The following HSPA12A variants were observed in gnomAD, a reference collection of about 807,000 sequenced individuals.
HSPA12A encodes the protein heat shock 70 kDa protein 12A.
A neutral mutation model predicts 69.2 loss-of-function variants in HSPA12A; 28 were observed. The ratio of observed to expected loss-of-function variants is 0.40; its 90% CI spans 0.30 to 0.55. The LOEUF (loss-of-function observed/expected upper bound fraction) is 0.55. Among genes scored for constraint, HSPA12A ranks in the 20% least tolerant of loss-of-function variants. HSPA12A has a pLI of 0.38. For synonymous variants in HSPA12A, 345 were observed against 370.5 expected (o/e 0.93, Z 0.79); for missense variants, 686 against 900.7 (o/e 0.76, Z 3.05).
chr10:116,753,040 A>C (rs1313230851), intron 2 of HSPA12A, among the ~76,000 whole-genome samples: 1 of 152,244 alleles, frequency 6.6e-6, no homozygotes, highest in Non-Finnish European at 1.5e-5. Context: ...TAAATGACAC[A>C]AAAAATAAAA....
chr10:116,696,014 A>AAAAAAAAAAAAAAAAAAAG (rs1849890713), intron 5 of HSPA12A, among the ~76,000 whole-genome samples: 1 of 147,200 alleles, frequency 6.8e-6, no homozygotes, highest in African/African-American at 2.5e-5. Flanking sequence ...AAAAAAAAAA[A>AAAAAAAAAAAAAAAAAAAG]AAAAAAAAAG....
intron 5 of HSPA12A, among the ~76,000 whole-genome samples, chr10:116,697,411 G>A (rs1290057333): frequency 1.3e-5 from 2 of 149,558 alleles, no homozygotes; most frequent in Non-Finnish European, 3.0e-5. Flanking sequence ...ACCCAAGGGG[G>A]CTCACGCTAT....
At chr10:116,778,337 C>A (rs1167430479) in intron 2 of HSPA12A, among the ~76,000 whole-genome samples, 1 of 152,192 alleles carries the variant, frequency 6.6e-6, no homozygotes. Context: ...ACTATTCCCC[C>A]CAAAACCTCC....
chr10:116,802,348 G>A (rs1310265594), intron 2 of HSPA12A, among the ~76,000 whole-genome samples: 3 of 152,114 alleles, frequency 2.0e-5, no homozygotes, highest in African/African-American at 7.2e-5. Flanking sequence ...CACAAAATGT[G>A]GCCACAAAAT....
In HSPA12A at chr10:116,705,306, G is replaced by T. The variant is rs189360482; in HGVS notation, c.127-28C>A. The T allele has an allele frequency of 2.7e-5, 44 of 1,613,380 alleles. No homozygotes were observed. The Middle Eastern group carries it at 9.9e-4, about 36-fold the overall frequency. ...GCAGATATACAGTGAGGCATGGGGG[G>T]TGTGGAGGGGTGGGCCTGGCTTTCA... On this transcript the variant is annotated intron_variant, in intron 2 of 11. Coordinates refer to ENST00000369209, the MANE Select transcript of HSPA12A (RefSeq NM_025015.3).
chr10:116,696,114 A>G (rs1381003230), intron 5 of HSPA12A, among the ~76,000 whole-genome samples: 2 of 152,094 alleles, frequency 1.3e-5, no homozygotes, highest in Non-Finnish European at 2.9e-5. Flanking sequence ...TTAGAAGCAG[A>G]GACTGGGTCC....
chr10:116,835,517 C>G (rs1845694560), intron 1 of HSPA12A, among the ~76,000 whole-genome samples: 1 of 152,152 alleles, frequency 6.6e-6, no homozygotes, highest in Admixed American at 6.5e-5. Flanking sequence ...TCTGCCTCCA[C>G]TCCTGCTTAT....
chr10:116,837,795 C>T (rs1313365028), intron 1 of HSPA12A, among the ~76,000 whole-genome samples: 2 of 150,112 alleles, frequency 1.3e-5, no homozygotes, highest in Admixed American at 6.6e-5. Flanking sequence ...TTTTTATCTA[C>T]CTATTTAGTA....
intron 2 of HSPA12A, among the ~76,000 whole-genome samples, chr10:116,814,844 G>T (rs1013656899): frequency 6.6e-6 from 1 of 152,162 alleles, no homozygotes; most frequent in African/African-American, 2.4e-5. Flanking sequence ...GAGGGTGATT[G>T]GGTTGCAAAT....
At chr10:116,749,535 A>G (rs1002451504) in intron 2 of HSPA12A, among the ~76,000 whole-genome samples, 62 of 152,258 alleles carry the variant, frequency 4.1e-4, no homozygotes, top group African/African-American at 1.3e-3. Context: ...TTTGTCTGTC[A>G]TGCCTTCATC....
chr10:116,810,235 G>A (rs1247874289), intron 2 of HSPA12A, among the ~76,000 whole-genome samples: 2 of 152,152 alleles, frequency 1.3e-5, no homozygotes, highest in Non-Finnish European at 1.5e-5. Flanking sequence ...TAAATGCGGA[G>A]CCGGCGGGAA....
At chr10:116,705,674 T>C (rs1589646135) in intron 2 of HSPA12A, among the ~76,000 whole-genome samples, 1 of 152,236 alleles carries the variant, frequency 6.6e-6, no homozygotes, top group African/African-American at 2.4e-5. Context: ...CTCTGGCCAC[T>C]GCCAGGAGCA....
intron 1 of HSPA12A, among the ~76,000 whole-genome samples, chr10:116,716,192 A>G (rs1554883759): frequency 6.6e-6 from 1 of 151,822 alleles, no homozygotes; most frequent in Admixed American, 6.6e-5. Context: ...GGGCCCCTCC[A>G]TGTCTGAGAA....
chr10:116,675,100 T>C lies in HSPA12A; in HGVS notation c.1709A>G (p.Lys570Arg), dbSNP rs1849190353. 6.2e-7 allele frequency: 1 copy of C among 1,613,890 alleles called. No homozygotes were observed. Among genetic ancestry groups the C allele is most frequent in the Non-Finnish European group, 8.5e-7 (1 of 1,180,012 alleles). ...CACAGACTGGTCGGCAGAGATGAAC[T>C]TGTCAAAGACGTCGGTGCACCACCG... The part of the protein sequence containing the change: ...GTRWCTDVFD[K>R]FISADQSVAL... Residue 570 changes from lysine to arginine, a missense_variant, in exon 12 of 12, where the codon AAG (lysine) becomes AGG (arginine). Coordinates refer to ENST00000369209, the MANE Select transcript of HSPA12A (RefSeq NM_025015.3). The surrounding 1 kb of genome is among the most constrained non-coding windows in gnomAD (Gnocchi z 5.2).
intron 1 of HSPA12A, among the ~76,000 whole-genome samples, chr10:116,709,424 G>C (rs1850356211): frequency 6.8e-6 from 1 of 147,540 alleles, no homozygotes; most frequent in Non-Finnish European, 1.5e-5. Context: ...CTCCAGCCTG[G>C]TGACAGAGCA....
rs1850844690 is a variant in HSPA12A, at chr10:116,723,393, G to A, written c.41-16108C>T. ...TCATGCTGCCCTCCAAATAGGCACAGCCCCAAGCTGTTCTTCCAGGGGCAG... is the reference window on the plus strand; with the variant it reads ...TCATGCTGCCCTCCAAATAGGCACAACCCCAAGCTGTTCTTCCAGGGGCAG... On this transcript the variant is annotated intron_variant, in intron 1 of 11. Transcript: ENST00000369209. This position sits in a 1 kb window ranked among gnomAD's most constrained non-coding sequence, Gnocchi z 4.1. 1.3e-5 allele frequency among the ~76,000 whole-genome samples: 2 copies of A among 152,196 alleles called. No individual in the cohort carries two copies. The highest frequency in any genetic ancestry group is 4.8e-5 in the African/African-American group (2 of 41,456).
chr10:116,822,388 G>C (rs1020360810), intron 2 of HSPA12A, among the ~76,000 whole-genome samples: 10 of 152,320 alleles, frequency 6.6e-5, no homozygotes, highest in African/African-American at 2.4e-4. Flanking sequence ...TTGTTAGAGG[G>C]GATTTGTGGC....
Position 116,767,397 on chromosome 10 carries a change from C to T in HSPA12A, c.92-60112G>A, listed in dbSNP as rs548781108. Among the ~76,000 whole-genome samples the T allele has an allele frequency of 1.2e-4, 18 of 152,274 alleles. No individual in the cohort carries two copies. In the East Asian group the frequency reaches 3.3e-3, roughly 28 times the overall value. ...ACGGTGCAGACAAGCAGCACTGTCC[C>T]TGCAGAGCTAAGGCAGAGCAGACAG... On this transcript the variant is annotated intron_variant, in intron 2 of 12. Transcript: ENST00000635765.
intron 2 of HSPA12A, among the ~76,000 whole-genome samples, chr10:116,763,719 T>G (rs1589691602): frequency 6.6e-6 from 1 of 152,198 alleles, no homozygotes; most frequent in East Asian, 1.9e-4. Flanking sequence ...AAATGTGCTC[T>G]GGACTAGGAG....
Sources: allele counts gnomAD v4.1 joint callset (sites outside exome capture counted in the v4.1 genomes callset), GRCh38; gene constraint gnomAD v4.1.1; non-coding constraint Gnocchi (gnomAD v3.1); transcripts MANE v1.5; gene names NCBI Gene and HGNC (gene_info 2026-07-23, HGNC 2026-07-21).